ARHGAP15: variants seen among roughly 807,000 people sequenced by gnomAD.
ARHGAP15 encodes the protein rho GTPase-activating protein 15.
In ARHGAP15, 51 loss-of-function variants were observed where a neutral mutation model predicts 63.7. The observed-to-expected ratio is 0.80, with a 90% CI of 0.64 to 1.01. The LOEUF (loss-of-function observed/expected upper bound fraction) is 1.01, where lower values mean the gene tolerates loss of function less well. ARHGAP15 is among the 50% of genes least tolerant of loss of function. ARHGAP15 has a pLI of 0.00. For missense variants in ARHGAP15, 560 were observed against 564.6 expected, an observed-to-expected ratio of 0.99 and a Z score of 0.08; for synonymous variants, 191 against 193.8, an observed-to-expected ratio of 0.99 and a Z score of 0.12.
chr2:143,313,236 C>T lies in ARHGAP15; in HGVS notation c.474+62636C>T, dbSNP rs768204153. On this transcript the variant is annotated intron_variant, in intron 6 of 13. Transcript: ENST00000295095. ...ATAAACAGGAAGTCCACTGCACTAC[C>T]GAGTTTTTGAAGTATGACGGACTTA... is the stretch of plus-strand genomic sequence containing the variant. Among the ~76,000 whole-genome samples the T allele has an allele frequency of 2.6e-5, 4 of 152,108 alleles. No individual in the cohort carries two copies. In the East Asian group the frequency reaches 5.8e-4, roughly 22 times the overall value.
intron 2 of ARHGAP15, chr2:143,162,620 ACC>A (rs1490578586): frequency 6.6e-6 from 1 of 152,032 alleles, no homozygotes; most frequent in African/African-American, 2.4e-5. Context: ...CTAAAAGTGT[ACC>A]TTCTAATTAA....
chr2:143,219,074 G>A (rs1692883181), intron 4 of ARHGAP15, among the ~76,000 whole-genome samples: 1 of 152,182 alleles, frequency 6.6e-6, no homozygotes, highest in Non-Finnish European at 1.5e-5. Context: ...TGGCCACTTT[G>A]CCATCGTTTA....
At chr2:143,160,785 T>A (rs1690262024) in intron 2 of ARHGAP15, among the ~76,000 whole-genome samples, 1 of 151,928 alleles carries the variant, frequency 6.6e-6, no homozygotes, top group South Asian at 2.1e-4. Context: ...CCCTTTGCCA[T>A]CTCATGCTGT....
chr2:143,404,517 T>C (rs985904645), intron 6 of ARHGAP15, among the ~76,000 whole-genome samples: 1 of 151,998 alleles, frequency 6.6e-6, no homozygotes, highest in African/African-American at 2.4e-5. Context: ...ACCTAAAGCA[T>C]GGGTACTTCT....
intron 6 of ARHGAP15, among the ~76,000 whole-genome samples, chr2:143,318,269 G>T (rs750058141): frequency 6.6e-6 from 1 of 151,972 alleles, no homozygotes; most frequent in Non-Finnish European, 1.5e-5. Flanking sequence ...ATCTCCCAAA[G>T]AGCTGGGTTT....
At chr2:143,478,633 A>C (rs1691932280) in intron 8 of ARHGAP15, among the ~76,000 whole-genome samples, 1 of 152,208 alleles carries the variant, frequency 6.6e-6, no homozygotes, top group Non-Finnish European at 1.5e-5. Flanking sequence ...CATATTGATA[A>C]GGATTAAATG....
rs190949373 is a variant in ARHGAP15, at chr2:143,233,370, T to C, written c.384+4702T>C. On this transcript the variant is annotated intron_variant, in intron 5 of 13. Transcript: ENST00000295095. ...CCTAGAAATATATATTCTCTTTGAATATAGAATTTTTAGTTGGTAGTCATT... is the reference window on the plus strand; with the variant it reads ...CCTAGAAATATATATTCTCTTTGAACATAGAATTTTTAGTTGGTAGTCATT... Among the ~76,000 whole-genome samples the C allele has an allele frequency of 1.6e-3, 244 of 152,218 alleles. 1 individual carries two copies. The highest frequency in any genetic ancestry group is 8.7e-4 in the Non-Finnish European group (59 of 68,012).
chr2:143,234,181 T>A (rs1693551171), intron 5 of ARHGAP15, among the ~76,000 whole-genome samples: 1 of 152,240 alleles, frequency 6.6e-6, no homozygotes, highest in African/African-American at 2.4e-5. Flanking sequence ...GAAGTTTGTT[T>A]CTTTTAAAAA....
In ARHGAP15 at chr2:143,285,932, C is replaced by T. The variant is rs565468274; in HGVS notation, c.474+35332C>T. Among the ~76,000 whole-genome samples the T allele has an allele frequency of 7.2e-5, 11 of 151,948 alleles. 1 individual carries two copies. The highest frequency in any genetic ancestry group is 6.8e-3 in the Middle Eastern group (2 of 292). On this transcript the variant is annotated intron_variant, in intron 6 of 13. Coordinates refer to ENST00000295095, the MANE Select transcript of ARHGAP15 (RefSeq NM_018460.4). ...AGTGTAGATAAAATAATTTTACATC[C>T]GTACAATATTTTTAAATGTTGACTT...
intron 11 of ARHGAP15, among the ~76,000 whole-genome samples, chr2:143,599,183 G>A (rs1697656020): frequency 6.6e-6 from 1 of 152,074 alleles, no homozygotes; most frequent in African/African-American, 2.4e-5. Flanking sequence ...GTTTGCTATG[G>A]AGTAAATCAT....
intron 6 of ARHGAP15, among the ~76,000 whole-genome samples, chr2:143,431,447 G>A (rs1689385380): frequency 6.6e-6 from 1 of 152,056 alleles, no homozygotes; most frequent in Admixed American, 6.6e-5. Flanking sequence ...GATCATTAAA[G>A]CTGATATCAC....
chr2:143,536,531 A>G (rs1226333539), intron 10 of ARHGAP15, among the ~76,000 whole-genome samples: 6 of 83,420 alleles, frequency 7.2e-5, no homozygotes, highest in African/African-American at 2.8e-4. Flanking sequence ...CCCTCCCCCC[A>G]CCCCACAACC....
At chr2:143,548,376 A>ATG (rs1373657761) in intron 10 of ARHGAP15, among the ~76,000 whole-genome samples, 1 of 152,044 alleles carries the variant, frequency 6.6e-6, no homozygotes, top group Non-Finnish European at 1.5e-5. Context: ...ATACATATAT[A>ATG]TTCCTTTATT....
rs574212574 is a variant in ARHGAP15, at chr2:143,256,447, A to G, written c.474+5847A>G. On this transcript the variant is annotated intron_variant, in intron 6 of 13. Transcript: ENST00000295095. ...TCCTTAATCTTATTTTTAATGTGCT[A>G]TTCTTAGTGGCATTAATGTAATATC... is the stretch of plus-strand genomic sequence containing the variant. Among the ~76,000 whole-genome samples the G allele has an allele frequency of 2.0e-5, 3 of 152,220 alleles. No individual in the cohort carries two copies. In the East Asian group the frequency reaches 5.8e-4, roughly 29 times the overall value.
intron 13 of ARHGAP15, among the ~76,000 whole-genome samples, chr2:143,709,515 G>T (rs1305355723): frequency 6.6e-6 from 1 of 152,236 alleles, no homozygotes. Context: ...CTCTAAGGAA[G>T]TTGTCCAGCT....
rs141062542 is a variant in ARHGAP15 at position 143,142,856 on chromosome 2, C to T, written c.-14-12621C>T. On this transcript the variant is annotated intron_variant, in intron 1 of 13. Coordinates refer to ENST00000295095, the MANE Select transcript of ARHGAP15 (RefSeq NM_018460.4). ...AATAGATTAGATTCTCTGTCTCAGA[C>T]GTAGTTATAACAAAGGATATAAGTA... is the stretch of plus-strand genomic sequence containing the variant. Among the ~76,000 whole-genome samples the T allele has an allele frequency of 3.9e-4, 59 of 151,964 alleles. 1 individual carries two copies. Among genetic ancestry groups the T allele is most frequent in the East Asian group, 1.7e-3 (9 of 5,156 alleles).
At chr2:143,510,599 C>T (rs548418225) in intron 9 of ARHGAP15, among the ~76,000 whole-genome samples, 2 of 152,310 alleles carry the variant, frequency 1.3e-5, no homozygotes, top group African/African-American at 4.8e-5. Flanking sequence ...GAATTCCTTC[C>T]TACTTCCACC....
intron 11 of ARHGAP15, chr2:143,587,614 C>A: frequency 4.8e-6 from 2 of 414,504 alleles, no homozygotes; most frequent in South Asian, 1.9e-5. Context: ...ATACCCCTTG[C>A]TTTAGTTGGC....
chr2:143,265,485 A>C (rs1680944041), intron 6 of ARHGAP15, among the ~76,000 whole-genome samples: 1 of 152,188 alleles, frequency 6.6e-6, no homozygotes, highest in African/African-American at 2.4e-5. Flanking sequence ...ACATATTTTT[A>C]TTGCAAATGG....
Sources: gnomAD v4.1 joint callset for allele counts (sites outside exome capture counted in the v4.1 genomes callset) on GRCh38, gnomAD v4.1.1 for gene constraint, MANE v1.5 for transcripts, NCBI Gene and HGNC (gene_info 2026-07-23, HGNC 2026-07-21) for gene names.